ASMTL: variants seen among roughly 807,000 people sequenced by gnomAD.
ASMTL encodes the protein probable bifunctional dTTP/UTP pyrophosphatase/methyltransferase protein.
A neutral mutation model predicts 60.3 loss-of-function variants in ASMTL; 57 were observed. The observed-to-expected ratio is 0.95, with a 90% CI of 0.76 to 1.18. The LOEUF is 1.18. Ranked by LOEUF, ASMTL falls within the 50% of genes most tolerant of loss-of-function variation. The pLI, the probability that ASMTL is intolerant of heterozygous loss-of-function variation, is 0.00. For synonymous variants in ASMTL, 419 were observed against 373.0 expected (o/e 1.12, Z -1.42); for missense variants, 981 against 852.6 (o/e 1.15, Z -1.88).
chrX:1,412,445 C>G (rs1189762131), intron 12 of ASMTL, among the ~76,000 whole-genome samples: 1 of 152,196 alleles, frequency 6.6e-6, no homozygotes, highest in Non-Finnish European at 1.5e-5. Context: ...CCAGGCTGGT[C>G]TCGAACTGCT....
At chrX:1,403,621 G>T (rs1437207391) in intron 12 of ASMTL, 132 bp from the exon 13 acceptor site, 1 of 750,124 alleles carries the variant, frequency 1.3e-6, no homozygotes, top group Non-Finnish European at 2.3e-6. Flanking sequence ...TGGCCAGGGG[G>T]CCCACACAGG....
intron 1 of ASMTL, among the ~76,000 whole-genome samples, chrX:1,445,910 A>G (rs1213762272): frequency 6.6e-6 from 1 of 152,004 alleles, no homozygotes; most frequent in Non-Finnish European, 1.5e-5. Flanking sequence ...GGGGTCACCA[A>G]AGGGAGTCTC....
chrX:1,442,324 CA>C lies in ASMTL; in HGVS notation c.94-8del. The C allele has an allele frequency of 4.3e-6, 7 of 1,613,814 alleles. No homozygotes were observed. The highest frequency in any genetic ancestry group is 5.9e-6 in the Non-Finnish European group (7 of 1,179,842). On this transcript the variant is annotated splice_region_variant and splice_polypyrimidine_tract_variant and intron_variant, in intron 1 of 12. Transcript: ENST00000381317. ...CCACCTCAAACCTGAGACCCTGCAA[CA>C]GTAGAAAAGGGGTCAGAAGGGTCAA...
intron 10 of ASMTL, 179 bp from the exon 11 acceptor site, chrX:1,418,295 A>T: frequency 4.2e-6 from 1 of 237,038 alleles, no homozygotes; most frequent in Non-Finnish European, 6.9e-6. Flanking sequence ...CAAGCAGGTG[A>T]GTGTGGGGGC....
intron 12 of ASMTL, among the ~76,000 whole-genome samples, chrX:1,412,063 C>T (rs1358460037): frequency 8.6e-5 from 13 of 150,728 alleles, no homozygotes; most frequent in African/African-American, 2.7e-4. Context: ...GTGATCCGCC[C>T]GCCTCGGCCT....
intron 1 of ASMTL, among the ~76,000 whole-genome samples, chrX:1,443,140 C>CACTGCCGTCGTGGACACAT (rs1373341125): frequency 2.2e-5 from 3 of 139,398 alleles, no homozygotes; most frequent in South Asian, 2.3e-4. Flanking sequence ...CGTGGACACA[C>CACTGCCGTCGTGGACACAT]GCCGCCATCT....
At chrX:1,443,881 G>A (rs35994734) in intron 1 of ASMTL, among the ~76,000 whole-genome samples, 6,415 of 148,378 alleles carry the variant, frequency 0.043, 451 homozygotes, top group African/African-American at 0.15. Flanking sequence ...CACCGCCGTC[G>A]TGGACAGACA....
chrX:1,435,322 C>A (rs2090932254), intron 4 of ASMTL: 1 of 620,966 alleles, frequency 1.6e-6, no homozygotes, highest in South Asian at 1.9e-5. Flanking sequence ...CCAGGCAGCT[C>A]TCAGCTGGGC....
rs751453324 is a variant in ASMTL at position 1,443,429 on chromosome X, G to A, written c.94-1112C>T. ...CACGCCGCCATCTTGGACACACACC[G>A]CCATCTTGGACAGACACCGCCATCT... On this transcript the variant is annotated intron_variant, in intron 1 of 12. Transcript: ENST00000381317. 2.5e-4 allele frequency among the ~76,000 whole-genome samples: 35 copies of A among 141,362 alleles called. No individual in the cohort carries two copies. In the East Asian group the frequency reaches 6.4e-3, roughly 26 times the overall value. The allele number at this position is 141,362 out of a possible 152,430, so 92.7% of individuals were successfully genotyped here.
At chrX:1,440,089 C>CTT (rs1191286971) in intron 2 of ASMTL, among the ~76,000 whole-genome samples, 2 of 120,298 alleles carry the variant, frequency 1.7e-5, no homozygotes, top group South Asian at 2.6e-4. Flanking sequence ...TTCTTTCTTT[C>CTT]TTTTTTTTTT....
chrX:1,414,492 G>A (rs1279932161), intron 11 of ASMTL, among the ~76,000 whole-genome samples: 9 of 152,148 alleles, frequency 5.9e-5, no homozygotes, highest in African/African-American at 2.2e-4. Flanking sequence ...TGGATGACCT[G>A]AGGTGAGGAG....
chrX:1,440,058 A>G (rs748883289), intron 2 of ASMTL, among the ~76,000 whole-genome samples: 92 of 149,788 alleles, frequency 6.1e-4, no homozygotes, highest in African/African-American at 2.2e-3. Flanking sequence ...ACGACTCACA[A>G]CAGCCTTACC....
chrX:1,416,360 C>G (rs1379557807), intron 11 of ASMTL, among the ~76,000 whole-genome samples: 1 of 136,676 alleles, frequency 7.3e-6, no homozygotes, highest in Non-Finnish European at 1.6e-5. Context: ...GACAGGCACA[C>G]ACAGACGCAG....
At chrX:1,434,489 C>CAAAA (rs34994213) in intron 5 of ASMTL, among the ~76,000 whole-genome samples, 3 of 113,888 alleles carry the variant, frequency 2.6e-5, no homozygotes, top group African/African-American at 3.3e-5. Flanking sequence ...GACCCTGTCT[C>CAAAA]AAAAAAAAAA....
At chrX:1,410,296 C>T (rs1254091096) in intron 12 of ASMTL, among the ~76,000 whole-genome samples, 2 of 140,050 alleles carry the variant, frequency 1.4e-5, no homozygotes, top group African/African-American at 5.3e-5. Flanking sequence ...CTCCCAAATA[C>T]TCGGGAGGCT....
At chrX:1,444,571 G>A (rs541502852) in intron 1 of ASMTL, among the ~76,000 whole-genome samples, 2 of 152,296 alleles carry the variant, frequency 1.3e-5, no homozygotes, top group African/African-American at 4.8e-5. Flanking sequence ...ACCCAGGACA[G>A]GTGTTACGGA....
At chrX:1,417,632 C>T (rs2090339856) in intron 11 of ASMTL, among the ~76,000 whole-genome samples, 1 of 151,994 alleles carries the variant, frequency 6.6e-6, no homozygotes, top group East Asian at 1.9e-4. Flanking sequence ...CACAGACATG[C>T]ACACATATAC....
At chrX:1,441,753 T>C (rs1483053690) in intron 2 of ASMTL, 2 of 161,536 alleles carry the variant, frequency 1.2e-5, no homozygotes, top group Admixed American at 6.1e-5. Context: ...CACATAGTAA[T>C]AGATAAGCTA....
intron 6 of ASMTL, among the ~76,000 whole-genome samples, chrX:1,430,267 C>T (rs1477312952): frequency 2.6e-5 from 4 of 152,130 alleles, no homozygotes; most frequent in Non-Finnish European, 5.9e-5. Flanking sequence ...CTGCCTCGGC[C>T]TCCCAAAGTA....
Sources: gnomAD v4.1 joint callset for allele counts (sites outside exome capture counted in the v4.1 genomes callset) on GRCh38, gnomAD v4.1.1 for gene constraint, MANE v1.5 for transcripts, NCBI Gene and HGNC (gene_info 2026-07-23, HGNC 2026-07-21) for gene names.